TSPAN1: variants seen among roughly 807,000 people sequenced by gnomAD.
The protein encoded by TSPAN1 is tetraspanin 1.
A neutral mutation model predicts 26.9 loss-of-function variants in TSPAN1; 23 were observed. The observed-to-expected ratio is 0.85, with a 90% CI of 0.62 to 1.21. The LOEUF is 1.21. Ranked by LOEUF, TSPAN1 falls within the 50% of genes most tolerant of loss-of-function variation. TSPAN1 has a pLI of 0.00. For synonymous variants in TSPAN1, 115 were observed against 114.8 expected (o/e 1.00, Z -0.01); for missense variants, 283 against 298.4 (o/e 0.95, Z 0.38).
chr1:46,185,339 A>G, intron 8 of TSPAN1, 31 bp downstream of exon 8: 1 of 1,613,254 alleles, frequency 6.2e-7, no homozygotes, highest in Non-Finnish European at 8.5e-7. Flanking sequence ...GGACTGGGAC[A>G]TGGGCATGAG....
At chr1:46,176,215 C>G in intron 1 of TSPAN1, 1 of 1,534,796 alleles carries the variant, frequency 6.5e-7, no homozygotes, top group East Asian at 2.4e-5. Context: ...GGCTCACAGG[C>G]CCCCTGGCTA....
intron 1 of TSPAN1, among the ~76,000 whole-genome samples, chr1:46,179,964 A>AGAGTGTGTGTGTGTGTGTGTGT (rs1657275164): frequency 1.4e-5 from 2 of 146,788 alleles, no homozygotes; most frequent in African/African-American, 5.0e-5. Context: ...AGAAAGAGGG[A>AGAGTGTGTGTGTGTGTGTGTGT]GTGTGTGTGT....
chr1:46,177,726 T>C (rs1036740100), intron 1 of TSPAN1, among the ~76,000 whole-genome samples: 1 of 152,226 alleles, frequency 6.6e-6, no homozygotes, highest in African/African-American at 2.4e-5. Flanking sequence ...CTGAAATTTT[T>C]TGCCTTTCTG....
At chr1:46,184,524 G>T (rs1165106187) in intron 4 of TSPAN1, 70 bp from the exon 5 acceptor site, 13 of 1,604,808 alleles carry the variant, frequency 8.1e-6, no homozygotes, top group African/African-American at 4.0e-5. Flanking sequence ...TTTTCCGGGG[G>T]GGGGATTAGG....
intron 4 of TSPAN1, 33 bp from the exon 5 acceptor site, chr1:46,184,561 T>C (rs1354520271): frequency 1.9e-6 from 3 of 1,611,980 alleles, no homozygotes; most frequent in Admixed American, 1.7e-5. Flanking sequence ...GGACTGTCTC[T>C]CCCTAAAACC....
downstream of TSPAN1, chr1:46,190,828 G>A: frequency 6.5e-7 from 1 of 1,540,634 alleles, no homozygotes; most frequent in Non-Finnish European, 9.0e-7. Flanking sequence ...CACATTGTCT[G>A]GCCCACACCC....
In TSPAN1 at chr1:46,185,692, C is replaced by T. The variant is rs1284141365; in HGVS notation, c.*159C>T. The T allele has an allele frequency of 8.7e-6, 7 of 800,220 alleles. No homozygotes were observed. The highest frequency in any genetic ancestry group is 1.7e-5 in the African/African-American group (1 of 58,352). The allele number at this position is 800,220 out of a possible 1,614,324, so 49.6% of individuals were successfully genotyped here. A position where few individuals can be genotyped will look rare whatever the true frequency, so the allele number is the denominator to read the frequency against. ...TCCAGACTTGGGGCTAGATAGGGAC[C>T]ACTCCTTTTAGGCGATGCCTGACTT... is the stretch of plus-strand genomic sequence containing the variant. On this transcript the variant is annotated 3_prime_UTR_variant, in exon 9 of 9. Transcript: ENST00000372003.
At chr1:46,179,759 TAAGAG>T in intron 1 of TSPAN1, among the ~76,000 whole-genome samples, 1 of 151,358 alleles carries the variant, frequency 6.6e-6, no homozygotes, top group Non-Finnish European at 1.5e-5. Context: ...CACAGAGCGC[TAAGAG>T]AAGACTGGGA....
downstream of TSPAN1, chr1:46,189,810 G>A (rs1209896191): frequency 1.9e-6 from 3 of 1,612,178 alleles, no homozygotes; most frequent in Non-Finnish European, 2.5e-6. Context: ...CAGTATGTGT[G>A]TGAGGGGGAG....
chr1:46,176,089 A>C (rs1448735772), intron 1 of TSPAN1: 6 of 890,064 alleles, frequency 6.7e-6, no homozygotes, highest in Admixed American at 2.5e-5. Flanking sequence ...GTTAGCCAGG[A>C]TGGTCTCGAT....
the TSPAN1 span, chr1:46,194,393 A>G: frequency 3.1e-6 from 5 of 1,614,058 alleles, no homozygotes; most frequent in South Asian, 5.5e-5. Context: ...GCCCAGTGGC[A>G]CTCTGCCTCT....
chr1:46,195,646 T>C, the TSPAN1 span: 1 of 738,530 alleles, frequency 1.4e-6, no homozygotes, highest in Non-Finnish European at 2.4e-6. Context: ...TGTTGCTCAA[T>C]AACTATTTGC....
At chr1:46,195,817 A>G in the TSPAN1 span, 1 of 1,593,028 alleles carries the variant, frequency 6.3e-7, no homozygotes, top group Non-Finnish European at 8.6e-7. Flanking sequence ...TGACCTTGAC[A>G]GTGCAGATGA....
the TSPAN1 span, chr1:46,193,224 G>C: frequency 2.5e-6 from 4 of 1,614,170 alleles, no homozygotes; most frequent in Non-Finnish European, 3.4e-6. Context: ...TGCTGGGAGT[G>C]GGGTGGGAAT....
downstream of TSPAN1, chr1:46,190,144 G>T: frequency 1.1e-6 from 1 of 949,138 alleles, no homozygotes; most frequent in Non-Finnish European, 1.5e-6. Context: ...TGTCGCCCAG[G>T]CTGGAGTCTC....
At chr1:46,178,757 A>G (rs1467401315) in intron 1 of TSPAN1, among the ~76,000 whole-genome samples, 1 of 152,182 alleles carries the variant, frequency 6.6e-6, no homozygotes, top group Admixed American at 6.5e-5. Context: ...CTCTGGTGCC[A>G]GACTAACTGG....
chr1:46,189,071 T>C (rs1409355569), downstream of TSPAN1: 3 of 1,519,484 alleles, frequency 2.0e-6, no homozygotes, highest in Admixed American at 2.2e-5. Context: ...AACAAGGAAG[T>C]AAATAAATAG....
downstream of TSPAN1, chr1:46,190,137 C>T (rs1324638760): frequency 1.6e-5 from 16 of 986,822 alleles, 1 homozygote; most frequent in South Asian, 1.0e-4. Context: ...CTTGCTCTGT[C>T]GCCCAGGCTG....
At chr1:46,195,029 G>A in the TSPAN1 span, 10 of 1,374,800 alleles carry the variant, frequency 7.3e-6, no homozygotes, top group Admixed American at 1.0e-4. Flanking sequence ...CACAGAGCAC[G>A]AACTATGTAG....
Sources: allele counts gnomAD v4.1 joint callset (sites outside exome capture counted in the v4.1 genomes callset), GRCh38; gene constraint gnomAD v4.1.1; transcripts MANE v1.5; gene names NCBI Gene and HGNC (gene_info 2026-07-23, HGNC 2026-07-21).